The following PDE2A variants were observed in gnomAD, a reference collection of about 807,000 sequenced individuals.
The protein encoded by PDE2A is phosphodiesterase 2A, also known as cGMP-dependent 3',5'-cyclic phosphodiesterase.
PDE2A carries 53 observed loss-of-function variants against 133.6 expected under a neutral mutation model. That is an observed-to-expected ratio of 0.40 (90% CI 0.32 to 0.50). PDE2A has a LOEUF of 0.50. Among genes scored for constraint, PDE2A ranks in the 20% least tolerant of loss-of-function variants. The probability of loss-of-function intolerance (pLI) is 0.73; values close to 1 mark genes in which losing one functional copy is unlikely to be tolerated. For synonymous variants in PDE2A, 491 were observed against 490.2 expected (o/e 1.00, Z -0.02); for missense variants, 796 against 1,232.4 (o/e 0.65, Z 5.30).
chr11:72,654,423 G>A, intron 1 of PDE2A, among the ~76,000 whole-genome samples: 1 of 152,186 alleles, frequency 6.6e-6, no homozygotes, highest in East Asian at 1.9e-4. Flanking sequence ...TGAGGCCAGT[G>A]CAGGTGGGAG....
chr11:72,643,633 T>TGAGCTCCC (rs1591123774), intron 1 of PDE2A: 1 of 152,436 alleles, frequency 6.6e-6, no homozygotes, highest in East Asian at 1.9e-4. Context: ...GGTGACTCAG[T>TGAGCTCCC]GAGCTCCCAG....
chr11:72,603,146 G>A (rs1226210813), intron 4 of PDE2A, among the ~76,000 whole-genome samples: 1 of 152,148 alleles, frequency 6.6e-6, no homozygotes, highest in Non-Finnish European at 1.5e-5. Context: ...CCCCTGGGAG[G>A]TCCTTGCTGT....
intron 2 of PDE2A, among the ~76,000 whole-genome samples, chr11:72,632,623 T>C (rs1330387931): frequency 6.6e-6 from 1 of 152,158 alleles, no homozygotes. Context: ...TTGAGATAAG[T>C]GCCTGACCCA....
intron 2 of PDE2A, 146 bp downstream of exon 2, chr11:72,642,108 G>A: frequency 8.4e-7 from 1 of 1,187,564 alleles, no homozygotes; most frequent in East Asian, 3.2e-5. Flanking sequence ...AGGGCTCTTG[G>A]TCTGCGCTGC....
At position 72,638,099 on chromosome 11, in the gene PDE2A, C is replaced by T. The variant is rs577900022; in HGVS notation, c.144+4155G>A. ...TTACCCGCCGCAGGCAGCACAGAGGCCAGCCAGAGAGCAGCATGGTGCTAG... is the reference window on the plus strand; with the variant it reads ...TTACCCGCCGCAGGCAGCACAGAGGTCAGCCAGAGAGCAGCATGGTGCTAG... On this transcript the variant is annotated intron_variant, in intron 2 of 30. Coordinates refer to ENST00000334456, the MANE Select transcript of PDE2A (RefSeq NM_002599.5). Among the ~76,000 whole-genome samples the T allele has an allele frequency of 3.3e-5, 5 of 152,244 alleles. No homozygotes were observed. The East Asian group carries it at 9.6e-4, about 29-fold the overall frequency.
intron 6 of PDE2A, among the ~76,000 whole-genome samples, chr11:72,595,476 G>A (rs1325654120): frequency 6.6e-6 from 1 of 152,094 alleles, no homozygotes; most frequent in Non-Finnish European, 1.5e-5. Flanking sequence ...CCTCAGTCAG[G>A]AAGATGGGTG....
chr11:72,659,573 A>T (rs1854992952), intron 1 of PDE2A, among the ~76,000 whole-genome samples: 1 of 152,122 alleles, frequency 6.6e-6, no homozygotes, highest in Admixed American at 6.5e-5. Flanking sequence ...TGCTAGTTAC[A>T]TAATTGCTTT....
At chr11:72,641,903 C>T (rs535550722) in intron 2 of PDE2A, among the ~76,000 whole-genome samples, 2 of 152,268 alleles carry the variant, frequency 1.3e-5, no homozygotes, top group East Asian at 1.9e-4. Flanking sequence ...GGGAGCCCCA[C>T]ATATATGGTG....
At position 72,589,951 on chromosome 11, in the gene PDE2A, A is replaced by C. The variant is rs765765634; in HGVS notation, c.787T>G (p.Cys263Gly). Residue 263 changes from cysteine (C) to glycine (G), a missense_variant, in exon 10 of 31, where the codon TGC becomes GGC. Physicochemically the swap from Cys to Gly is radical, Grantham distance 159. Around this residue, in one of 7 missense-constraint regions of PDE2A, gnomAD observed 417 missense variants for 475.3 expected, o/e 0.88. Coordinates refer to ENST00000334456, the MANE Select transcript of PDE2A (RefSeq NM_002599.5). Reference protein sequence around the residue: ...LQQETRASRCCLLLVSEDNLQ... With the variant: ...LQQETRASRCGLLLVSEDNLQ... ...TTGTCCTCCGACACCAGCAGGAGGCAGCAGCGGGATGCCCGGGTCTCCTGC... is the reference window on the plus strand; with the variant it reads ...TTGTCCTCCGACACCAGCAGGAGGCCGCAGCGGGATGCCCGGGTCTCCTGC... 25 of 1,613,072 alleles carry C rather than the reference A, an allele frequency of 1.5e-5. No homozygotes were observed. In the Admixed American group the frequency reaches 4.2e-4, roughly 27 times the overall value.
Position 72,597,101 on chromosome 11 carries a change from C to A in PDE2A, c.433+409G>T, listed in dbSNP as rs758213996. On this transcript the variant is annotated intron_variant, in intron 5 of 30. Coordinates refer to ENST00000334456, the MANE Select transcript of PDE2A (RefSeq NM_002599.5). This position sits in a 1 kb window ranked among gnomAD's most constrained non-coding sequence, Gnocchi z 4.6. ...AGAGAGGGACATGGCGGACAGGAGGCATGGAGGAGAAGAAAAAGAGAAATA... is the reference window on the plus strand; with the variant it reads ...AGAGAGGGACATGGCGGACAGGAGGAATGGAGGAGAAGAAAAAGAGAAATA... 6.6e-6 allele frequency among the ~76,000 whole-genome samples: 1 copy of A among 151,880 alleles called. No individual in the cohort carries two copies. The highest frequency in any genetic ancestry group is 2.4e-5 in the African/African-American group (1 of 41,300).
chr11:72,652,457 G>A (rs150573597), intron 1 of PDE2A: 8 of 453,770 alleles, frequency 1.8e-5, no homozygotes, highest in Non-Finnish European at 3.1e-5. Flanking sequence ...ATGGCCCCTG[G>A]TCCTCCCTAA....
chr11:72,585,060 A>T (rs1855900850), intron 16 of PDE2A, 116 bp from the exon 17 acceptor site: 2 of 989,602 alleles, frequency 2.0e-6, no homozygotes, highest in Non-Finnish European at 3.2e-6. Flanking sequence ...CTCCAAGGTA[A>T]GACACTCTGC....
chr11:72,620,298 C>T (rs925766244), intron 2 of PDE2A, among the ~76,000 whole-genome samples: 43 of 152,172 alleles, frequency 2.8e-4, no homozygotes, highest in African/African-American at 1.0e-3. Flanking sequence ...TCTCCACCTA[C>T]CCCTCAGTGC....
In PDE2A at chr11:72,581,408, G is replaced by A. The variant is rs1231897912; in HGVS notation, c.1994C>T (p.Ser665Phe). The A allele has an allele frequency of 2.5e-6, 4 of 1,612,530 alleles. No homozygotes were observed. The highest frequency in any genetic ancestry group is 1.3e-5 in the African/African-American group (1 of 74,916). ...CTTGTAGAGCAGGTAGCAGAAGTGG[G>A]AGACAGAAAAGGCGTGCATCCAGTT... The part of the protein sequence containing the change: ...YHNWMHAFSV[S>F]HFCYLLYKNL... The change falls in exon 23 of 31, where the codon TCC becomes TTC. Residue 665 changes from serine (S) to phenylalanine (F), a missense_variant. This residue lies in a region of PDE2A where 218 missense variants were observed against 465.9 expected (regional missense o/e 0.47). Coordinates refer to ENST00000334456, the MANE Select transcript of PDE2A (RefSeq NM_002599.5).
rs1399165909 is a variant in PDE2A, at chr11:72,590,595, G to A, written c.550-15C>T. Reference sequence around the variant, plus strand: ...GCGACCAGGGTCTGGGGCAGGCCGAGCGGTTAGCGCGCCGCTCGCCCCAAG... The same window carrying A: ...GCGACCAGGGTCTGGGGCAGGCCGAACGGTTAGCGCGCCGCTCGCCCCAAG... On this transcript the variant is annotated splice_polypyrimidine_tract_variant and intron_variant, in intron 7 of 30. Coordinates refer to ENST00000334456, the MANE Select transcript of PDE2A (RefSeq NM_002599.5). The surrounding 1 kb of genome is among the most constrained non-coding windows in gnomAD (Gnocchi z 4.8). 2.9e-6 allele frequency: 4 copies of A among 1,356,916 alleles called. No individual in the cohort carries two copies. The highest frequency in any genetic ancestry group is 3.1e-5 in the African/African-American group (2 of 65,034). 84.1% of individuals were successfully genotyped at this position (1,356,916 alleles called of 1,614,324 possible).
At chr11:72,589,064 C>T (rs1856110520) in intron 12 of PDE2A, 111 bp downstream of exon 12, 8 of 1,239,994 alleles carry the variant, frequency 6.5e-6, no homozygotes, top group Non-Finnish European at 9.3e-6. Flanking sequence ...TAGAAAGTCC[C>T]CAGGTCTTAT....
intron 1 of PDE2A, among the ~76,000 whole-genome samples, chr11:72,652,288 GT>G (rs530983003): frequency 7.8e-4 from 119 of 152,238 alleles, no homozygotes; most frequent in African/African-American, 2.8e-3. Context: ...GTTGTGTTTT[GT>G]TTTTTTGAGA....
At chr11:72,620,017 G>C (rs76840342) in intron 2 of PDE2A, among the ~76,000 whole-genome samples, 1 of 152,124 alleles carries the variant, frequency 6.6e-6, no homozygotes, top group Non-Finnish European at 1.5e-5. Context: ...GGGCAGATGC[G>C]GGCCTGAGGG....
At chr11:72,604,056 CCT>C (rs1856865783) in intron 4 of PDE2A, among the ~76,000 whole-genome samples, 1 of 152,252 alleles carries the variant, frequency 6.6e-6, no homozygotes, top group Admixed American at 6.5e-5. Context: ...CTGGAAAAGC[CCT>C]CCTCACAGGG....
Sources: gnomAD v4.1 joint callset for allele counts (sites outside exome capture counted in the v4.1 genomes callset) on GRCh38, gnomAD v4.1.1 for gene constraint, gnomAD v4.1.1 regional missense constraint, Gnocchi (gnomAD v3.1) non-coding constraint, MANE v1.5 for transcripts, NCBI Gene and HGNC (gene_info 2026-07-23, HGNC 2026-07-21) for gene names.